The following ZCCHC24 variants were observed in gnomAD, a reference collection of about 807,000 sequenced individuals.
The protein encoded by ZCCHC24 is zinc finger CCHC domain-containing protein 24.
Under a neutral mutation model 26.2 loss-of-function variants are expected in ZCCHC24, and 10 were observed. The observed-to-expected ratio is 0.38, with a 90% CI of 0.24 to 0.65. ZCCHC24 has a LOEUF of 0.65. ZCCHC24 is among the 30% of genes least tolerant of loss of function. ZCCHC24 has a pLI of 0.54. For missense variants in ZCCHC24, 243 were observed against 329.1 expected (o/e 0.74, Z 2.03); for synonymous variants, 144 against 147.1 (o/e 0.98, Z 0.15).
chr10:79,392,747 C>T (rs971062428), intron 3 of ZCCHC24, among the ~76,000 whole-genome samples: 3 of 152,254 alleles, frequency 2.0e-5, no homozygotes, highest in Non-Finnish European at 2.9e-5. Flanking sequence ...ATGGACACTG[C>T]CTTGACTTTC....
chr10:79,429,740 T>C (rs771625377), intron 2 of ZCCHC24, among the ~76,000 whole-genome samples: 7 of 152,240 alleles, frequency 4.6e-5, no homozygotes, highest in Admixed American at 1.3e-4. Flanking sequence ...AAGTGAATTG[T>C]ATCTCATAAA....
intron 2 of ZCCHC24, among the ~76,000 whole-genome samples, chr10:79,421,058 G>A (rs1001920077): frequency 8.5e-5 from 13 of 152,176 alleles, no homozygotes; most frequent in Admixed American, 1.3e-4. Context: ...GGCTGTGCTC[G>A]AAGGCACCTC....
intron 3 of ZCCHC24, among the ~76,000 whole-genome samples, 160 bp downstream of exon 3, chr10:79,394,116 T>A (rs935127648): frequency 2.0e-5 from 3 of 152,210 alleles, no homozygotes; most frequent in Admixed American, 6.5e-5. Flanking sequence ...TGCCCCATCA[T>A]CCTCCTTCCC....
rs1177155539 is a variant in ZCCHC24, at chr10:79,445,457, C to G, written c.-17G>C. The G allele has an allele frequency of 7.2e-6, 10 of 1,398,428 alleles. No homozygotes were observed. Among genetic ancestry groups the G allele is most frequent in the Non-Finnish European group, 8.4e-6 (9 of 1,066,068 alleles). The allele number at this position is 1,398,428 out of a possible 1,614,324, so 86.6% of individuals were successfully genotyped here. On this transcript the variant is annotated 5_prime_UTR_variant, in exon 1 of 4. Coordinates refer to ENST00000372336, the MANE Select transcript of ZCCHC24 (RefSeq NM_153367.4). ...CAGGCTCATTTTGTGGCGGCGGTGC[C>G]GGCCCCTCCCCGGCCGCCCGCTCGC...
chr10:79,433,973 G>T (rs1857179166), intron 1 of ZCCHC24, among the ~76,000 whole-genome samples: 1 of 152,244 alleles, frequency 6.6e-6, no homozygotes, highest in Admixed American at 6.5e-5. Context: ...CTTTGCACAA[G>T]TATGTGTCCC....
intron 2 of ZCCHC24, chr10:79,394,668 A>G: frequency 1.0e-6 from 1 of 979,032 alleles, no homozygotes; most frequent in Non-Finnish European, 1.2e-6. Context: ...GAAAAAACAG[A>G]GGAGATGGCG....
intron 1 of ZCCHC24, among the ~76,000 whole-genome samples, chr10:79,435,281 A>T (rs1424146429): frequency 1.3e-5 from 2 of 151,086 alleles, no homozygotes; most frequent in Non-Finnish European, 2.9e-5. Flanking sequence ...GCTGTTTGGC[A>T]GCAAATTGTC....
At chr10:79,427,617 T>A (rs928186283) in intron 2 of ZCCHC24, among the ~76,000 whole-genome samples, 17 of 147,608 alleles carry the variant, frequency 1.2e-4, no homozygotes, top group South Asian at 2.1e-4. Context: ...ACAAGGGAAA[T>A]AAAAAAAAAA....
At chr10:79,418,307 T>C (rs1589670645) in intron 2 of ZCCHC24, among the ~76,000 whole-genome samples, 1 of 151,152 alleles carries the variant, frequency 6.6e-6, no homozygotes, top group African/African-American at 2.4e-5. Flanking sequence ...TGCATGGGGG[T>C]GTGGGGGCCC....
chr10:79,423,020 C>A (rs1856968721), intron 2 of ZCCHC24, among the ~76,000 whole-genome samples: 1 of 152,196 alleles, frequency 6.6e-6, no homozygotes, highest in African/African-American at 2.4e-5. Flanking sequence ...TTGACCTCAA[C>A]AAGATATCAC....
At chr10:79,428,517 T>A in intron 2 of ZCCHC24, among the ~76,000 whole-genome samples, 1 of 142,912 alleles carries the variant, frequency 7.0e-6, no homozygotes, top group African/African-American at 2.6e-5. Flanking sequence ...TGGAAGGTGG[T>A]GATGGTCATA....
intron 1 of ZCCHC24, among the ~76,000 whole-genome samples, chr10:79,444,459 A>C (rs565665206): frequency 4.0e-5 from 6 of 151,606 alleles, no homozygotes; most frequent in Admixed American, 3.9e-4. Flanking sequence ...GGCGCTGGGC[A>C]GCTGGAACCT....
At chr10:79,420,130 T>C (rs1856917662) in intron 2 of ZCCHC24, among the ~76,000 whole-genome samples, 1 of 150,236 alleles carries the variant, frequency 6.7e-6, no homozygotes, top group African/African-American at 2.5e-5. Context: ...AGATTCCTCT[T>C]CCCTGGGCCA....
intron 2 of ZCCHC24, among the ~76,000 whole-genome samples, chr10:79,397,725 G>T (rs768801701): frequency 5.3e-5 from 8 of 152,172 alleles, no homozygotes; most frequent in Admixed American, 2.0e-4. Context: ...GGTTCTGCAG[G>T]CCTCTGAGCT....
chr10:79,425,614 T>G (rs1857016364), intron 2 of ZCCHC24, among the ~76,000 whole-genome samples: 1 of 152,244 alleles, frequency 6.6e-6, no homozygotes, highest in African/African-American at 2.4e-5. Flanking sequence ...ATTCACTAGC[T>G]GTGTGGCCTT....
intron 1 of ZCCHC24, among the ~76,000 whole-genome samples, chr10:79,439,472 C>T (rs1417917615): frequency 6.6e-6 from 1 of 152,146 alleles, no homozygotes; most frequent in Non-Finnish European, 1.5e-5. Flanking sequence ...ACGTAGAAAA[C>T]ATTAACTAAG....
At chr10:79,436,470 C>T (rs1857218598) in intron 1 of ZCCHC24, among the ~76,000 whole-genome samples, 1 of 152,248 alleles carries the variant, frequency 6.6e-6, no homozygotes. Context: ...TCTCCCACCC[C>T]AGCGTAGCCC....
At chr10:79,438,549 G>A (rs1003785277) in intron 1 of ZCCHC24, among the ~76,000 whole-genome samples, 8 of 152,304 alleles carry the variant, frequency 5.3e-5, no homozygotes, top group Non-Finnish European at 1.2e-4. Flanking sequence ...CCAGGACAGT[G>A]CTGGGCTGGC....
intron 2 of ZCCHC24, among the ~76,000 whole-genome samples, chr10:79,411,912 C>T (rs1013253393): frequency 6.6e-6 from 1 of 152,160 alleles, no homozygotes; most frequent in Non-Finnish European, 1.5e-5. Context: ...GCAAGTCCAC[C>T]GTCCCCAGTC....
Sources: gnomAD v4.1 joint callset for allele counts (sites outside exome capture counted in the v4.1 genomes callset) on GRCh38, gnomAD v4.1.1 for gene constraint, MANE v1.5 for transcripts, NCBI Gene and HGNC (gene_info 2026-07-23, HGNC 2026-07-21) for gene names.